DLG2: variants seen among roughly 807,000 people sequenced by gnomAD.
DLG2 encodes disks large homolog 2.
DLG2 carries 45 observed loss-of-function variants against 132.5 expected under a neutral mutation model. That is an observed-to-expected ratio of 0.34 (90% CI 0.27 to 0.44). DLG2 has a LOEUF of 0.44. Ranked by LOEUF, DLG2 falls within the 20% of genes least tolerant of loss-of-function variation. The pLI, the probability that DLG2 is intolerant of heterozygous loss-of-function variation, is 1.00. For synonymous variants in DLG2, 424 were observed against 419.6 expected (o/e 1.01, Z -0.13); for missense variants, 1,045 against 1,196.9 (o/e 0.87, Z 1.87).
intron 7 of DLG2, among the ~76,000 whole-genome samples, chr11:84,491,685 G>T (rs890144752): frequency 7.9e-5 from 12 of 152,148 alleles, no homozygotes; most frequent in Non-Finnish European, 1.6e-4. Context: ...TGGCAGTTCT[G>T]CTCATAGCTG....
chr11:85,278,062 CTT>C (rs2078001370), intron 4 of DLG2, among the ~76,000 whole-genome samples: 1 of 152,186 alleles, frequency 6.6e-6, no homozygotes, highest in Non-Finnish European at 1.5e-5. Context: ...CCTAATCAGT[CTT>C]ACTACTCTCA....
In DLG2 at chr11:84,506,425, C is replaced by T. The variant is rs535674718; in HGVS notation, c.519+28145G>A. On this transcript the variant is annotated intron_variant, in intron 7 of 27. Coordinates refer to ENST00000376104, the MANE Select transcript of DLG2 (RefSeq NM_001142699.3). ...AGATATGTGAGGACGGAAGCACAGT[C>T]GGAGAGAAATTTAAGGATGCTATGC... is the stretch of plus-strand genomic sequence containing the variant. Among the ~76,000 whole-genome samples the T allele has an allele frequency of 7.2e-5, 11 of 152,162 alleles. No individual in the cohort carries two copies. The South Asian group carries it at 8.3e-4, about 11-fold the overall frequency.
At chr11:84,757,232 A>C (rs1281381541) in intron 6 of DLG2, among the ~76,000 whole-genome samples, 2 of 152,160 alleles carry the variant, frequency 1.3e-5, no homozygotes, top group East Asian at 3.9e-4. Flanking sequence ...CAAAGTATTG[A>C]AAATGAAAGT....
intron 3 of DLG2, among the ~76,000 whole-genome samples, chr11:85,402,967 T>C (rs1257430525): frequency 1.3e-5 from 2 of 152,150 alleles, no homozygotes; most frequent in Admixed American, 1.3e-4. Context: ...GGCAATACCA[T>C]CTGACCCAGC....
rs1198169194 is a variant in DLG2, at chr11:84,793,582, C to G, written c.358-258851G>C. ...TATTTGCTTTACATATCTGGGTGCTCAAGCATTGGCTGCATATATATTCAC... is the reference window on the plus strand; with the variant it reads ...TATTTGCTTTACATATCTGGGTGCTGAAGCATTGGCTGCATATATATTCAC... On this transcript the variant is annotated intron_variant, in intron 6 of 27. Coordinates refer to ENST00000376104, the MANE Select transcript of DLG2 (RefSeq NM_001142699.3). Among the ~76,000 whole-genome samples, 3 of 152,266 alleles carry G rather than the reference C, an allele frequency of 2.0e-5. No individual in the cohort carries two copies. The South Asian group carries it at 6.2e-4, about 32-fold the overall frequency.
chr11:83,535,640 A>G (rs2097503660), intron 20 of DLG2, among the ~76,000 whole-genome samples: 1 of 151,926 alleles, frequency 6.6e-6, no homozygotes, highest in Non-Finnish European at 1.5e-5. Context: ...TTAATCTTCA[A>G]ATGGGTAATA....
chr11:84,316,951 C>G (rs759424798), intron 7 of DLG2: 2 of 1,612,790 alleles, frequency 1.2e-6, no homozygotes, highest in Admixed American at 1.7e-5. Context: ...AGCTGGACCC[C>G]CCGGTCCTGT....
intron 5 of DLG2, among the ~76,000 whole-genome samples, chr11:85,118,106 G>A (rs2073885804): frequency 6.6e-6 from 1 of 151,974 alleles, no homozygotes; most frequent in Non-Finnish European, 1.5e-5. Context: ...CCCTTCCTGG[G>A]CTTATCCTTC....
At chr11:84,041,883 T>C (rs953785281) in intron 11 of DLG2, among the ~76,000 whole-genome samples, 1 of 151,846 alleles carries the variant, frequency 6.6e-6, no homozygotes, top group South Asian at 2.1e-4. Flanking sequence ...CCTGTGATGT[T>C]CTTGTGATAG....
At position 83,471,722 on chromosome 11, in the gene DLG2, A is replaced by C; in HGVS notation, c.2350T>G (p.Tyr784Asp). The C allele has an allele frequency of 6.2e-7, 1 of 1,612,374 alleles. No homozygotes were observed. The highest frequency in any genetic ancestry group is 8.5e-7 in the Non-Finnish European group (1 of 1,178,838). The change falls in exon 24 of 28, where the codon TAC becomes GAC. Residue 784 changes from tyrosine (Y) to aspartate (D), a missense_variant. By Grantham distance (160) the Tyr-to-Asp change is radical (BLOSUM62 -3). Transcript: ENST00000376104. Reference protein sequence around the residue: ...YEPVTRQEINYTRPVIILGPM... With the variant: ...YEPVTRQEINDTRPVIILGPM... Reference sequence around the variant, plus strand: ...CCCAGGATAATCACCGGCCGGGTGTAGTTTACTGCAGAATGGGAAAGGAAG... The same window carrying C: ...CCCAGGATAATCACCGGCCGGGTGTCGTTTACTGCAGAATGGGAAAGGAAG...
At chr11:83,687,436 C>T (rs983221950) in intron 18 of DLG2, among the ~76,000 whole-genome samples, 2 of 152,066 alleles carry the variant, frequency 1.3e-5, no homozygotes, top group African/African-American at 4.8e-5. Context: ...GACACTGGTC[C>T]CTGGCCCTTG....
At chr11:85,307,052 A>G (rs1033498914) in intron 3 of DLG2, among the ~76,000 whole-genome samples, 6 of 152,232 alleles carry the variant, frequency 3.9e-5, no homozygotes, top group Admixed American at 2.6e-4. Context: ...TGCAAGAAAT[A>G]AGCAACAATT....
intron 6 of DLG2, among the ~76,000 whole-genome samples, chr11:84,541,795 T>TTTTC (rs2099372578): frequency 6.6e-6 from 1 of 152,104 alleles, no homozygotes; most frequent in South Asian, 2.1e-4. Context: ...CTCATACTCA[T>TTTTC]TTTCTACCAC....
intron 7 of DLG2, among the ~76,000 whole-genome samples, chr11:84,470,746 A>G (rs192046001): frequency 9.9e-5 from 15 of 151,964 alleles, no homozygotes; most frequent in African/African-American, 3.6e-4. Context: ...GAGTGTGTAC[A>G]AAGAAGTGAT....
intron 19 of DLG2, among the ~76,000 whole-genome samples, chr11:83,584,206 A>G (rs763044252): frequency 2.6e-5 from 4 of 152,206 alleles, no homozygotes; most frequent in South Asian, 2.1e-4. Context: ...CTAAGGGTCT[A>G]TGGTGGAAGA....
At chr11:84,921,107 A>G (rs2092734086) in intron 6 of DLG2, among the ~76,000 whole-genome samples, 1 of 151,808 alleles carries the variant, frequency 6.6e-6, no homozygotes, top group Admixed American at 6.6e-5. Context: ...AAAATAAAAC[A>G]AAAGTCAAAA....
At chr11:85,186,333 A>G (rs2080097774) in intron 4 of DLG2, among the ~76,000 whole-genome samples, 1 of 152,158 alleles carries the variant, frequency 6.6e-6, no homozygotes, top group Non-Finnish European at 1.5e-5. Flanking sequence ...AGTATTTTAC[A>G]TTTCTTTTTT....
At chr11:85,025,061 G>T in intron 6 of DLG2, among the ~76,000 whole-genome samples, 1 of 152,270 alleles carries the variant, frequency 6.6e-6, no homozygotes, top group Non-Finnish European at 1.5e-5. Context: ...GTCTCAGGAG[G>T]ATTAGGTGCA....
At chr11:85,626,779 T>C (rs956461022) in intron 1 of DLG2, 26 bp from the exon 2 acceptor site, 3 of 152,228 alleles carry the variant, frequency 2.0e-5, no homozygotes, top group Admixed American at 6.5e-5. Flanking sequence ...AAAATAATGA[T>C]GTATTTTTTC....
Sources: allele counts gnomAD v4.1 joint callset (sites outside exome capture counted in the v4.1 genomes callset), GRCh38; gene constraint gnomAD v4.1.1; transcripts MANE v1.5; gene names NCBI Gene and HGNC (gene_info 2026-07-23, HGNC 2026-07-21).